STK31: variants seen among roughly 807,000 people sequenced by gnomAD.
STK31 encodes the protein serine/threonine kinase 31.
In STK31, 89 loss-of-function variants were observed where a neutral mutation model predicts 129.7. The ratio of observed to expected loss-of-function variants is 0.69; its 90% CI spans 0.58 to 0.82. The LOEUF (loss-of-function observed/expected upper bound fraction) is 0.82, where lower values mean the gene tolerates loss of function less well. Ranked by LOEUF, STK31 falls within the 40% of genes least tolerant of loss-of-function variation. The pLI, the probability that STK31 is intolerant of heterozygous loss-of-function variation, is 0.00. For synonymous variants in STK31, 448 were observed against 395.3 expected (o/e 1.13, Z -1.58); for missense variants, 1,187 against 1,176.4 (o/e 1.01, Z -0.13).
At chr7:23,759,223 A>G (rs1789298441) in intron 10 of STK31, among the ~76,000 whole-genome samples, 1 of 152,232 alleles carries the variant, frequency 6.6e-6, no homozygotes, top group Admixed American at 6.5e-5. Flanking sequence ...TAGATCAACG[A>G]GACAGAAAAT....
At chr7:23,792,675 A>G (rs1016512839) in intron 22 of STK31, among the ~76,000 whole-genome samples, 3 of 152,192 alleles carry the variant, frequency 2.0e-5, no homozygotes, top group African/African-American at 4.8e-5. Context: ...AAAAAGAACA[A>G]AATTGAAGGA....
At chr7:23,827,065 A>G (rs546753850) in intron 23 of STK31, among the ~76,000 whole-genome samples, 3 of 152,218 alleles carry the variant, frequency 2.0e-5, no homozygotes, top group Non-Finnish European at 1.5e-5. Flanking sequence ...GAATCTGACA[A>G]TTATGTGTCT....
chr7:23,759,492 GA>G (rs1789319311), intron 10 of STK31, among the ~76,000 whole-genome samples: 1 of 152,112 alleles, frequency 6.6e-6, no homozygotes, highest in Admixed American at 6.5e-5. Flanking sequence ...GAAAGACAAG[GA>G]ACTGGAGATA....
intron 22 of STK31, among the ~76,000 whole-genome samples, chr7:23,797,156 A>G (rs1468806653): frequency 6.6e-6 from 1 of 152,180 alleles, no homozygotes; most frequent in Non-Finnish European, 1.5e-5. Context: ...ACTCCCACAC[A>G]ATAATAGTGG....
At chr7:23,810,954 CACACACA>C (rs1793096314) in intron 22 of STK31, among the ~76,000 whole-genome samples, 8 of 145,930 alleles carry the variant, frequency 5.5e-5, no homozygotes, top group African/African-American at 2.0e-4. Context: ...CACACACACA[CACACACA>C]CCTACATGAT....
In STK31 at chr7:23,785,561, T is replaced by C. The variant is rs1304156936; in HGVS notation, c.2232T>C (p.Pro744=). 6 of 1,613,896 alleles carry C rather than the reference T, an allele frequency of 3.7e-6. No homozygotes were observed. Among genetic ancestry groups the C allele is most frequent in the Non-Finnish European group, 5.1e-6 (6 of 1,179,842 alleles). ...EPMKELSSKR[P]LVRSEVNGQI... Reference sequence around the variant, plus strand: ...TGAAGGAACTTAGCAGCAAGCGTCCTTTGGTACGTTCTGAGGTTAATGGGC... The same window carrying C: ...TGAAGGAACTTAGCAGCAAGCGTCCCTTGGTACGTTCTGAGGTTAATGGGC... Residue 744 remains proline (P), a synonymous_variant, in exon 18 of 24, where the codon CCT becomes CCC. Coordinates refer to ENST00000355870, the MANE Select transcript of STK31 (RefSeq NM_031414.5).
chr7:23,723,883 C>T (rs1325950321), intron 4 of STK31, among the ~76,000 whole-genome samples: 1 of 152,152 alleles, frequency 6.6e-6, no homozygotes, highest in African/African-American at 2.4e-5. Flanking sequence ...AAACGCCACA[C>T]TCTGAGACGA....
chr7:23,769,032 C>G lies in STK31; in HGVS notation c.1454C>G (p.Ala485Gly). 6.2e-7 allele frequency: 1 copy of G among 1,611,608 alleles called. No individual in the cohort carries two copies. The highest frequency in any genetic ancestry group is 8.5e-7 in the Non-Finnish European group (1 of 1,178,744). The stretch of plus-strand genomic sequence containing the variant: ...TCTTTAGAAGCAGTGTATGGACAAG[C>G]CAAAGAAGGAGCAAATTCTGATGAA... The part of the protein sequence containing the change: ...SVSLEAVYGQ[A>G]KEGANSDEIL... Residue 485 changes from alanine (A) to glycine (G), a missense_variant, in exon 12 of 24, where the codon GCC becomes GGC. Ala to Gly is a moderately conservative substitution (Grantham distance 60, BLOSUM62 0). Coordinates refer to ENST00000355870, the MANE Select transcript of STK31 (RefSeq NM_031414.5).
At chr7:23,798,079 A>C (rs962386881) in intron 22 of STK31, among the ~76,000 whole-genome samples, 7 of 152,168 alleles carry the variant, frequency 4.6e-5, no homozygotes, top group Non-Finnish European at 5.9e-5. Flanking sequence ...ATAGACCAAC[A>C]ATAAGTTCTG....
intron 13 of STK31, 152 bp downstream of exon 13, chr7:23,769,908 G>C (rs1251845759): frequency 2.0e-6 from 1 of 508,808 alleles, no homozygotes; most frequent in Non-Finnish European, 3.5e-6. Context: ...TGTTGAAAGA[G>C]TAACAATGTC....
chr7:23,796,172 T>C (rs73084735), intron 22 of STK31, among the ~76,000 whole-genome samples: 3,564 of 152,280 alleles, frequency 0.023, 78 homozygotes, highest in African/African-American at 0.057. Flanking sequence ...CAGGTGGAGA[T>C]ATTTGAATTA....
chr7:23,762,507 T>G (rs1451500694), intron 10 of STK31, among the ~76,000 whole-genome samples: 3 of 152,108 alleles, frequency 2.0e-5, no homozygotes, highest in Non-Finnish European at 2.9e-5. Flanking sequence ...AGAGGCCATA[T>G]GTAATTAGTA....
intron 8 of STK31, among the ~76,000 whole-genome samples, chr7:23,743,375 C>T (rs950352599): frequency 3.3e-5 from 5 of 152,154 alleles, no homozygotes; most frequent in Admixed American, 2.6e-4. Context: ...CTGGGAAAGA[C>T]TACTACTTCT....
chr7:23,745,073 G>T (rs995131003), intron 8 of STK31, among the ~76,000 whole-genome samples: 45 of 152,208 alleles, frequency 3.0e-4, no homozygotes, highest in Admixed American at 2.6e-4. Context: ...ACTGGTGTTA[G>T]TGCTGGCTGT....
chr7:23,726,773 G>A (rs1039425331), intron 4 of STK31, among the ~76,000 whole-genome samples: 3 of 151,902 alleles, frequency 2.0e-5, no homozygotes, highest in African/African-American at 4.8e-5. Context: ...GTCCTTATAC[G>A]TAAAGTAAAA....
chr7:23,735,885 A>G lies in STK31; in HGVS notation c.831A>G (p.Ile277Met). The change falls in exon 7 of 24, where the codon ATA becomes ATG. Residue 277 changes from isoleucine to methionine, a missense_variant. This residue lies in a region of STK31 where 975 missense variants were observed against 934.9 expected (regional missense o/e 1.04). Transcript: ENST00000355870. ...ATGAAAATGATGCAGGCAATCTTAT[A>G]ACATTTCCAAAGTAAGAATTTAGTC... ...LKDENDAGNL[I>M]TFPKESLAVG... 6.4e-7 allele frequency: 1 copy of G among 1,572,350 alleles called. No individual in the cohort carries two copies. The highest frequency in any genetic ancestry group is 8.6e-7 in the Non-Finnish European group (1 of 1,159,948).
intron 23 of STK31, among the ~76,000 whole-genome samples, chr7:23,817,810 T>A (rs1393850940): frequency 6.6e-6 from 1 of 152,166 alleles, no homozygotes; most frequent in Admixed American, 6.5e-5. Flanking sequence ...TTTATAATTA[T>A]TTTTATTTCT....
intron 8 of STK31, among the ~76,000 whole-genome samples, chr7:23,740,514 C>CTT (rs1211221975): frequency 6.6e-6 from 1 of 151,692 alleles, no homozygotes; most frequent in African/African-American, 2.4e-5. Context: ...TATTATTATA[C>CTT]TTTAAGTTTT....
chr7:23,748,292 G>A (rs1788479102), intron 8 of STK31, among the ~76,000 whole-genome samples: 1 of 152,002 alleles, frequency 6.6e-6, no homozygotes, highest in Non-Finnish European at 1.5e-5. Context: ...TTATTCTACT[G>A]TGGCCTGAGA....
Sources: gnomAD v4.1 joint callset for allele counts (sites outside exome capture counted in the v4.1 genomes callset) on GRCh38, gnomAD v4.1.1 for gene constraint, gnomAD v4.1.1 regional missense constraint, MANE v1.5 for transcripts, NCBI Gene and HGNC (gene_info 2026-07-23, HGNC 2026-07-21) for gene names.